POFUT3: variants seen among roughly 807,000 people sequenced by gnomAD.
POFUT3 encodes the protein GDP-fucose protein O-fucosyltransferase 3.
chr8:33,389,394 A>G, the POFUT3 span: 5 of 1,614,078 alleles, frequency 3.1e-6, no homozygotes, highest in East Asian at 1.1e-4. Context: ...GCATCCATAG[A>G]GGCTGGATTT....
At chr8:33,343,226 A>C in the POFUT3 span, among the ~76,000 whole-genome samples, 1 of 152,230 alleles carries the variant, frequency 6.6e-6, no homozygotes. Flanking sequence ...ACAGACAGAC[A>C]CAGGACCAGA....
the POFUT3 span, among the ~76,000 whole-genome samples, chr8:33,339,929 C>T: frequency 2.0e-5 from 3 of 151,904 alleles, no homozygotes; most frequent in Non-Finnish European, 2.9e-5. Flanking sequence ...TTTTTAAAAG[C>T]GTTCTTAAAA....
chr8:33,394,206 A>T, the POFUT3 span: 1 of 219,878 alleles, frequency 4.5e-6, no homozygotes, highest in African/African-American at 2.4e-5. Flanking sequence ...AATAAAATAA[A>T]ATAAAAATTA....
chr8:33,359,522 G>T, the POFUT3 span, among the ~76,000 whole-genome samples: 4 of 152,110 alleles, frequency 2.6e-5, no homozygotes, highest in African/African-American at 9.7e-5. Flanking sequence ...TTGCACAAGA[G>T]GTTCCAGCTA....
At chr8:33,458,328 G>A in the POFUT3 span, among the ~76,000 whole-genome samples, 7 of 152,142 alleles carry the variant, frequency 4.6e-5, no homozygotes, top group Non-Finnish European at 1.0e-4. Context: ...TTACAGCAGC[G>A]CTAGCAAACT....
the POFUT3 span, among the ~76,000 whole-genome samples, chr8:33,385,753 A>G: frequency 2.1e-3 from 318 of 152,066 alleles, 8 homozygotes; most frequent in East Asian, 0.053. Context: ...GCATGGTGGC[A>G]GGTGCCTGTA....
chr8:33,429,627 G>C, the POFUT3 span, among the ~76,000 whole-genome samples: 2 of 151,952 alleles, frequency 1.3e-5, no homozygotes, highest in Non-Finnish European at 2.9e-5. Flanking sequence ...ACAAAAAGCC[G>C]AGGAAGAAAA....
At chr8:33,349,813 T>C in the POFUT3 span, among the ~76,000 whole-genome samples, 1 of 152,236 alleles carries the variant, frequency 6.6e-6, no homozygotes, top group Non-Finnish European at 1.5e-5. Flanking sequence ...GCGGGATTGC[T>C]GGATCAAATG....
chr8:33,413,616 C>G, the POFUT3 span, among the ~76,000 whole-genome samples: 5 of 152,182 alleles, frequency 3.3e-5, no homozygotes, highest in African/African-American at 1.2e-4. Context: ...CAACAACTCT[C>G]TTCTCCTCCT....
the POFUT3 span, among the ~76,000 whole-genome samples, chr8:33,451,141 T>A: frequency 6.6e-6 from 1 of 151,566 alleles, no homozygotes; most frequent in Non-Finnish European, 1.5e-5. Context: ...ACAGAAATGC[T>A]TGGGACCAGG....
chr8:33,375,405 G>A, the POFUT3 span, among the ~76,000 whole-genome samples: 1 of 152,284 alleles, frequency 6.6e-6, no homozygotes, highest in East Asian at 1.9e-4. Context: ...CTAAGGTAGA[G>A]GACAATGAGC....
the POFUT3 span, among the ~76,000 whole-genome samples, chr8:33,318,386 AGAGT>A: frequency 2.0e-5 from 3 of 148,672 alleles, no homozygotes; most frequent in African/African-American, 7.4e-5. Context: ...AAAAGGGAAA[AGAGT>A]GAGGGGAAGG....
the POFUT3 span, among the ~76,000 whole-genome samples, chr8:33,429,378 T>C: frequency 6.6e-6 from 1 of 152,120 alleles, no homozygotes. Flanking sequence ...TAGAAATGTA[T>C]AAAATTAGAT....
At chr8:33,343,249 C>A in the POFUT3 span, among the ~76,000 whole-genome samples, 1 of 152,186 alleles carries the variant, frequency 6.6e-6, no homozygotes, top group Non-Finnish European at 1.5e-5. Context: ...TCTGTCCTGA[C>A]CTCTGTCCTT....
the POFUT3 span, chr8:33,461,223 GAGGGAGGGAGGA>G: frequency 6.7e-6 from 3 of 449,332 alleles, no homozygotes; most frequent in Admixed American, 8.1e-5. Context: ...GGGAGGGAGG[GAGGGAGGGAGGA>G]AGGAAGGAAC....
At chr8:33,389,846 C>G in the POFUT3 span, 1 of 1,375,892 alleles carries the variant, frequency 7.3e-7, no homozygotes, top group Non-Finnish European at 1.0e-6. Flanking sequence ...AAAGATGTTG[C>G]TAAGTTTGGG....
At chr8:33,436,717 A>G in the POFUT3 span, 14 of 716,432 alleles carry the variant, frequency 2.0e-5, no homozygotes, top group African/African-American at 2.5e-4. Flanking sequence ...CACAGCTAGC[A>G]CAGAAATCAG....
chr8:33,422,067 C>T, the POFUT3 span, among the ~76,000 whole-genome samples: 1 of 151,858 alleles, frequency 6.6e-6, no homozygotes, highest in African/African-American at 2.4e-5. Flanking sequence ...CCCTGCTTTT[C>T]CCTCACAGTC....
chr8:33,362,552 A>G, the POFUT3 span, among the ~76,000 whole-genome samples: 1 of 152,160 alleles, frequency 6.6e-6, no homozygotes, highest in Non-Finnish European at 1.5e-5. Flanking sequence ...ACATGGACTC[A>G]AAATAAAGGG....
Sources: gnomAD v4.1 joint callset for allele counts (sites outside exome capture counted in the v4.1 genomes callset) on GRCh38, gnomAD v4.1.1 for gene constraint, MANE v1.5 for transcripts, NCBI Gene and HGNC (gene_info 2026-07-23, HGNC 2026-07-21) for gene names.